TPST2: variants seen among roughly 807,000 people sequenced by gnomAD.
TPST2 encodes tyrosylprotein sulfotransferase 2, also known as protein-tyrosine sulfotransferase 2.
TPST2 carries 16 observed loss-of-function variants against 27.8 expected under a neutral mutation model. The ratio of observed to expected loss-of-function variants is 0.58; its 90% CI spans 0.39 to 0.88. The LOEUF (loss-of-function observed/expected upper bound fraction) is 0.88, where lower values mean the gene tolerates loss of function less well. Ranked by LOEUF, TPST2 falls within the 40% of genes least tolerant of loss-of-function variation. The probability of loss-of-function intolerance (pLI) is 0.00; values close to 1 mark genes in which losing one functional copy is unlikely to be tolerated. For missense variants in TPST2, 464 were observed against 543.1 expected, an observed-to-expected ratio of 0.85 and a Z score of 1.45; for synonymous variants, 229 against 231.7, an observed-to-expected ratio of 0.99 and a Z score of 0.10.
chr22:26,564,134 G>A (rs1927263293), intron 1 of TPST2, among the ~76,000 whole-genome samples: 1 of 152,172 alleles, frequency 6.6e-6, no homozygotes, highest in African/African-American at 2.4e-5. Context: ...GAGGCTGAAC[G>A]AGGTGTCTAG....
intron 4 of TPST2, chr22:26,535,957 G>A (rs1268103661): frequency 1.9e-5 from 8 of 415,300 alleles, no homozygotes; most frequent in South Asian, 4.2e-5. Flanking sequence ...GACTTGAGGT[G>A]CCTTACAAAC....
Position 26,541,559 on chromosome 22 carries a change from C to T in TPST2, c.72G>A (p.Leu24=). 1 of 1,610,004 alleles carries T rather than the reference C, an allele frequency of 6.2e-7. No individual in the cohort carries two copies. The highest frequency in any genetic ancestry group is 1.7e-5 in the Admixed American group (1 of 59,910). Residue 24 remains leucine, a synonymous_variant, in exon 3 of 7, where the codon CTG becomes CTA. Transcript: ENST00000338754. This position sits in a 1 kb window ranked among gnomAD's most constrained non-coding sequence, Gnocchi z 5.9. Reference sequence around the variant, plus strand: ...CCCGGCACTCTAGCACCTGCTGTCCCAGCTGAACCGCCAGCACCAGGACCA... The same window carrying T: ...CCCGGCACTCTAGCACCTGCTGTCCTAGCTGAACCGCCAGCACCAGGACCA... ...CALVLVLAVQ[L]GQQVLECRAV... is the part of the protein sequence containing the mutation.
At position 26,525,922 on chromosome 22, in the gene TPST2, T is replaced by C. The variant is rs1924804435; in HGVS notation, c.*353A>G. Reference sequence around the variant, plus strand: ...GGGTCAATAGGAGAGGCACAGGTTGTGGGCCTTGTCCCAGCAAACAAAGCC... The same window carrying C: ...GGGTCAATAGGAGAGGCACAGGTTGCGGGCCTTGTCCCAGCAAACAAAGCC... On this transcript the variant is annotated 3_prime_UTR_variant, in exon 7 of 7. Coordinates refer to ENST00000338754, the MANE Select transcript of TPST2 (RefSeq NM_003595.5). 6.6e-6 allele frequency: 1 copy of C among 152,260 alleles called. No individual in the cohort carries two copies. The highest frequency in any genetic ancestry group is 2.4e-5 in the African/African-American group (1 of 41,462). 9.4% of individuals were successfully genotyped at this position (152,260 alleles called of 1,614,324 possible). A position where few individuals can be genotyped will look rare whatever the true frequency, so the allele number is the denominator to read the frequency against.
At chr22:26,551,662 G>A (rs2267089) in intron 1 of TPST2, among the ~76,000 whole-genome samples, 33,183 of 151,940 alleles carry the variant, frequency 0.22, 4,395 homozygotes, top group Non-Finnish European at 0.3. Flanking sequence ...AGCCAGGGGT[G>A]GGGACTGATG....
chr22:26,562,942 T>C (rs1206384826), intron 1 of TPST2, among the ~76,000 whole-genome samples: 1 of 152,264 alleles, frequency 6.6e-6, no homozygotes, highest in East Asian at 1.9e-4. Flanking sequence ...TGTCCAGAGA[T>C]AGTTTTGGTG....
At chr22:26,572,793 T>G (rs1420374986) in intron 1 of TPST2, among the ~76,000 whole-genome samples, 3 of 152,150 alleles carry the variant, frequency 2.0e-5, no homozygotes, top group African/African-American at 7.2e-5. Flanking sequence ...CTTCTTCTTC[T>G]TTTTCTTTTT....
rs1422776116 is a variant in TPST2, at chr22:26,560,920, T to C, written c.-160-16245A>G. The C allele has an allele frequency of 1.2e-5, 20 of 1,607,792 alleles. No individual in the cohort carries two copies. The South Asian group carries it at 1.5e-4, about 12-fold the overall frequency. ...GATGTTGCGAAGAAACTGGGAGAGA[T>C]GTGGAATAACACTGCCGCAGATGAC... On this transcript the variant is annotated intron_variant, in intron 1 of 6. Coordinates refer to ENST00000338754, the MANE Select transcript of TPST2 (RefSeq NM_003595.5).
intron 4 of TPST2, among the ~76,000 whole-genome samples, chr22:26,535,085 T>G (rs1467337522): frequency 1.3e-5 from 2 of 152,172 alleles, no homozygotes; most frequent in Non-Finnish European, 2.9e-5. Context: ...GTTAGTAAAT[T>G]CTCTTTGTTA....
At chr22:26,587,543 A>G (rs12628433) in intron 1 of TPST2, among the ~76,000 whole-genome samples, 50,965 of 151,714 alleles carry the variant, frequency 0.34, 9,004 homozygotes, top group Admixed American at 0.43. Context: ...GTTTCACCAT[A>G]TTGGATAGGC....
At chr22:26,545,746 T>G (rs1602267449) in intron 1 of TPST2, among the ~76,000 whole-genome samples, 1 of 152,106 alleles carries the variant, frequency 6.6e-6, no homozygotes, top group African/African-American at 2.4e-5. Context: ...AAACAGGAGA[T>G]TTTAACCAGG....
At chr22:26,532,854 T>TC (rs1925246080) in intron 4 of TPST2, 109 bp from the exon 5 acceptor site, 4 of 916,736 alleles carry the variant, frequency 4.4e-6, no homozygotes, top group Non-Finnish European at 5.2e-6. Context: ...CACCCACCCA[T>TC]CCCTCCATCC....
intron 1 of TPST2, among the ~76,000 whole-genome samples, chr22:26,579,226 G>T (rs1483840234): frequency 6.6e-6 from 1 of 152,170 alleles, no homozygotes; most frequent in East Asian, 1.9e-4. Context: ...TGCACTGCTG[G>T]TCTACTGTGC....
chr22:26,570,046 AGAAAGAAAGAAAGAAAGAAG>A (rs1213726288), intron 1 of TPST2, among the ~76,000 whole-genome samples: 4 of 81,920 alleles, frequency 4.9e-5, no homozygotes, highest in African/African-American at 1.9e-4. Flanking sequence ...AAAGAAAGAC[AGAAAGAAAGAAAGAAAGAAG>A]GAAAGAAAGA....
At chr22:26,573,269 G>A (rs1019131664) in intron 1 of TPST2, among the ~76,000 whole-genome samples, 11 of 152,172 alleles carry the variant, frequency 7.2e-5, no homozygotes, top group Non-Finnish European at 4.4e-5. Context: ...GGGCTAAAGT[G>A]ATCCACCCTC....
In TPST2 at chr22:26,555,171, G is replaced by A. The variant is rs193172216; in HGVS notation, c.-160-10496C>T. On this transcript the variant is annotated intron_variant, in intron 1 of 6. Coordinates refer to ENST00000338754, the MANE Select transcript of TPST2 (RefSeq NM_003595.5). ...TGAGGGAATTTGCATTTTAACAAGCGCTGCCCCTTGCTCCCTCTCTGTGAA... is the reference window on the plus strand; with the variant it reads ...TGAGGGAATTTGCATTTTAACAAGCACTGCCCCTTGCTCCCTCTCTGTGAA... 1,480 of 533,368 alleles carry A rather than the reference G, an allele frequency of 2.8e-3. 1 individual carries two copies. The highest frequency in any genetic ancestry group is 4.1e-3 in the Non-Finnish European group (1,067 of 260,104). The allele number at this position is 533,368 out of a possible 1,614,324, so 33.0% of individuals were successfully genotyped here. A position where few individuals can be genotyped will look rare whatever the true frequency, so the allele number is the denominator to read the frequency against.
intron 1 of TPST2, among the ~76,000 whole-genome samples, chr22:26,551,696 C>G (rs964070238): frequency 6.6e-6 from 1 of 151,994 alleles, no homozygotes; most frequent in Admixed American, 6.6e-5. Context: ...CATCCTGGCT[C>G]CCCCACTCAA....
At chr22:26,553,341 T>C (rs951768158) in intron 1 of TPST2, among the ~76,000 whole-genome samples, 1 of 150,668 alleles carries the variant, frequency 6.6e-6, no homozygotes, top group Non-Finnish European at 1.5e-5. Context: ...ACGTAAGGAC[T>C]AGCAGAGAGG....
At chr22:26,532,340 G>A (rs1925212246) in intron 5 of TPST2, among the ~76,000 whole-genome samples, 1 of 152,198 alleles carries the variant, frequency 6.6e-6, no homozygotes, top group Non-Finnish European at 1.5e-5. Context: ...CAGTGCAACG[G>A]CGTGATCTCA....
intron 1 of TPST2, among the ~76,000 whole-genome samples, chr22:26,551,047 A>C (rs1453637000): frequency 6.6e-6 from 1 of 152,222 alleles, no homozygotes; most frequent in African/African-American, 2.4e-5. Flanking sequence ...TAATCCCGGC[A>C]CTTTGGGAGG....
Sources: allele counts gnomAD v4.1 joint callset (sites outside exome capture counted in the v4.1 genomes callset), GRCh38; gene constraint gnomAD v4.1.1; non-coding constraint Gnocchi (gnomAD v3.1); transcripts MANE v1.5; gene names NCBI Gene and HGNC (gene_info 2026-07-23, HGNC 2026-07-21).